DEPDC1B: variants seen among roughly 807,000 people sequenced by gnomAD.
DEPDC1B encodes the protein DEP domain containing 1B, also known as DEP domain-containing protein 1B.
DEPDC1B carries 51 observed loss-of-function variants against 66.5 expected under a neutral mutation model. The ratio of observed to expected loss-of-function variants is 0.77; its 90% CI spans 0.61 to 0.97. The LOEUF is 0.97. Among genes scored for constraint, DEPDC1B ranks in the 50% least tolerant of loss-of-function variants. The pLI is 0.00. For synonymous variants in DEPDC1B, 226 were observed against 223.6 expected, an observed-to-expected ratio of 1.01 and a Z score of -0.10; for missense variants, 552 against 637.1, an observed-to-expected ratio of 0.87 and a Z score of 1.44.
chr5:60,662,656 C>T (rs908270085), intron 2 of DEPDC1B, among the ~76,000 whole-genome samples: 4 of 152,068 alleles, frequency 2.6e-5, no homozygotes, highest in Non-Finnish European at 5.9e-5. Context: ...AAAGACTGTC[C>T]GAATAAAAAT....
At chr5:60,648,598 T>C (rs1013719769) in intron 2 of DEPDC1B, among the ~76,000 whole-genome samples, 3 of 152,206 alleles carry the variant, frequency 2.0e-5, no homozygotes, top group African/African-American at 7.2e-5. Context: ...TAGAGAAACA[T>C]TTCAAAAACA....
chr5:60,645,626 GA>G lies in DEPDC1B; in HGVS notation c.451-8del, dbSNP rs1313475000. On this transcript the variant is annotated splice_region_variant and splice_polypyrimidine_tract_variant and intron_variant, in intron 3 of 10. Coordinates refer to ENST00000265036, the MANE Select transcript of DEPDC1B (RefSeq NM_018369.3). ...TGTACCACATCTCAGAATTCTAATGGAGGGGGGATGTAAGAAGGGAGGGAAG... is the reference window on the plus strand; with the variant it reads ...TGTACCACATCTCAGAATTCTAATGGGGGGGGATGTAAGAAGGGAGGGAAG... The G allele has an allele frequency of 6.2e-7, 1 of 1,602,954 alleles. No individual in the cohort carries two copies. Among genetic ancestry groups the G allele is most frequent in the African/African-American group, 1.3e-5 (1 of 74,502 alleles).
At chr5:60,653,682 TCTA>T (rs1753509339) in intron 2 of DEPDC1B, among the ~76,000 whole-genome samples, 3 of 152,212 alleles carry the variant, frequency 2.0e-5, no homozygotes, top group African/African-American at 7.2e-5. Flanking sequence ...GAAGTCTTTG[TCTA>T]AGCCAATATC....
chr5:60,637,069 G>C (rs1584051541), intron 7 of DEPDC1B, among the ~76,000 whole-genome samples: 1 of 152,260 alleles, frequency 6.6e-6, no homozygotes, highest in African/African-American at 2.4e-5. Context: ...TATAAAAATA[G>C]AAAATGAGAA....
chr5:60,608,605 A>T (rs2111728687), intron 7 of DEPDC1B, among the ~76,000 whole-genome samples: 1 of 150,236 alleles, frequency 6.7e-6, no homozygotes, highest in Admixed American at 6.6e-5. Flanking sequence ...ATAATGTATT[A>T]AAAAAGAAAT....
chr5:60,660,291 GAA>G (rs1377024622), intron 2 of DEPDC1B, among the ~76,000 whole-genome samples: 2 of 143,036 alleles, frequency 1.4e-5, no homozygotes, highest in African/African-American at 5.2e-5. Context: ...AGAGGAGAGA[GAA>G]AGAGACAGGA....
At chr5:60,661,480 A>T (rs1161448889) in intron 2 of DEPDC1B, among the ~76,000 whole-genome samples, 1 of 152,206 alleles carries the variant, frequency 6.6e-6, no homozygotes, top group Non-Finnish European at 1.5e-5. Flanking sequence ...CCCTCAAGGC[A>T]AAAATGCCCT....
At chr5:60,623,169 C>G (rs187348341) in intron 7 of DEPDC1B, among the ~76,000 whole-genome samples, 1 of 152,132 alleles carries the variant, frequency 6.6e-6, no homozygotes, top group African/African-American at 2.4e-5. Flanking sequence ...TGAGTGCATA[C>G]AGTATACAGT....
rs1204530414 is a variant in DEPDC1B at position 60,605,691 on chromosome 5, A to G, written c.1064T>C (p.Leu355Pro). The G allele has an allele frequency of 6.2e-7, 1 of 1,609,912 alleles. No individual in the cohort carries two copies. Among genetic ancestry groups the G allele is most frequent in the Non-Finnish European group, 8.5e-7 (1 of 1,178,340 alleles). Reference protein sequence around the residue: ...PLCDGFGTRTLMVQTFSRCIL... With the variant: ...PLCDGFGTRTPMVQTFSRCIL... ...ACCTGATGTTAAAAATCAACCTACC[A>G]GTGTTCGGGTACCAAAGCCATCACA... is the stretch of plus-strand genomic sequence containing the variant. Residue 355 changes from leucine to proline, a missense_variant and splice_region_variant, in exon 8 of 11, where the codon CTG becomes CCG. By Grantham distance (98) the Leu-to-Pro change is moderately conservative. Coordinates refer to ENST00000265036, the MANE Select transcript of DEPDC1B (RefSeq NM_018369.3).
intron 7 of DEPDC1B, among the ~76,000 whole-genome samples, chr5:60,638,129 A>G (rs1193663214): frequency 6.6e-5 from 10 of 152,366 alleles, no homozygotes; most frequent in Admixed American, 2.0e-4. Flanking sequence ...AACAATTACA[A>G]GAACAAGAAA....
At chr5:60,668,760 C>T (rs1358820856) in intron 2 of DEPDC1B, among the ~76,000 whole-genome samples, 1 of 152,226 alleles carries the variant, frequency 6.6e-6, no homozygotes, top group South Asian at 2.1e-4. Context: ...ATTTCACACA[C>T]ATCAAATTGG....
At chr5:60,632,472 C>G (rs1279958755) in intron 7 of DEPDC1B, among the ~76,000 whole-genome samples, 1 of 152,240 alleles carries the variant, frequency 6.6e-6, no homozygotes, top group Non-Finnish European at 1.5e-5. Context: ...GCCAGAGCGC[C>G]CCCTCTGCGA....
intron 7 of DEPDC1B, chr5:60,630,874 C>A: frequency 6.2e-6 from 1 of 161,274 alleles, no homozygotes. Context: ...GTGTGAACCT[C>A]CAGAAATACC....
chr5:60,625,383 T>A (rs1752789397), intron 7 of DEPDC1B, among the ~76,000 whole-genome samples: 1 of 152,136 alleles, frequency 6.6e-6, no homozygotes, highest in South Asian at 2.1e-4. Context: ...GTTCCTATTT[T>A]TCCACATCCT....
intron 2 of DEPDC1B, among the ~76,000 whole-genome samples, chr5:60,649,842 G>A (rs1460401687): frequency 6.6e-6 from 1 of 151,946 alleles, no homozygotes; most frequent in Non-Finnish European, 1.5e-5. Flanking sequence ...TATTATGCTG[G>A]TGAATAAGAT....
chr5:60,692,093 AAAT>A (rs943856052), intron 1 of DEPDC1B, among the ~76,000 whole-genome samples: 1 of 152,246 alleles, frequency 6.6e-6, no homozygotes, highest in African/African-American at 2.4e-5. Flanking sequence ...ACAGAAAAAC[AAAT>A]AATGCCTATT....
intron 2 of DEPDC1B, among the ~76,000 whole-genome samples, chr5:60,665,165 A>G (rs2111959381): frequency 6.6e-6 from 1 of 152,322 alleles, no homozygotes; most frequent in East Asian, 1.9e-4. Context: ...ACGAGGACAT[A>G]GTTTCCTCCC....
intron 2 of DEPDC1B, among the ~76,000 whole-genome samples, chr5:60,666,412 C>T (rs1020179628): frequency 3.9e-5 from 6 of 152,242 alleles, no homozygotes; most frequent in East Asian, 1.9e-4. Flanking sequence ...ATCTTGGGAG[C>T]GAACCGCCAC....
intron 2 of DEPDC1B, among the ~76,000 whole-genome samples, chr5:60,655,918 A>C (rs992286815): frequency 6.7e-6 from 1 of 148,842 alleles, no homozygotes; most frequent in Non-Finnish European, 1.5e-5. Context: ...ATGTCTTTGC[A>C]TGGCTTTGAG....
Sources: gnomAD v4.1 joint callset for allele counts (sites outside exome capture counted in the v4.1 genomes callset) on GRCh38, gnomAD v4.1.1 for gene constraint, MANE v1.5 for transcripts, NCBI Gene and HGNC (gene_info 2026-07-23, HGNC 2026-07-21) for gene names.